The following PPARD variants were observed in gnomAD, a reference collection of about 807,000 sequenced individuals.
The protein encoded by PPARD is peroxisome proliferator-activated receptor delta.
A neutral mutation model predicts 39.5 loss-of-function variants in PPARD; 6 were observed. The observed-to-expected ratio is 0.15, with a 90% CI of 0.08 to 0.30. The LOEUF is 0.30. PPARD is among the 10% of genes least tolerant of loss of function. The pLI is 1.00. For missense variants in PPARD, 397 were observed against 596.8 expected (o/e 0.67, Z 3.49); for synonymous variants, 210 against 231.3 (o/e 0.91, Z 0.83).
chr6:35,385,982 GC>G (rs988984667), intron 2 of PPARD, among the ~76,000 whole-genome samples: 1 of 152,082 alleles, frequency 6.6e-6, no homozygotes, highest in African/African-American at 2.4e-5. Flanking sequence ...AGAGTGCAAA[GC>G]CCCCAGAGGG....
At chr6:35,399,109 C>T (rs1764524083) in intron 2 of PPARD, among the ~76,000 whole-genome samples, 1 of 148,764 alleles carries the variant, frequency 6.7e-6, no homozygotes, top group Admixed American at 6.7e-5. Flanking sequence ...AGACCCTGTC[C>T]CCCAAAAAAA....
At chr6:35,360,048 C>T (rs1005524309) in intron 2 of PPARD, among the ~76,000 whole-genome samples, 1 of 152,102 alleles carries the variant, frequency 6.6e-6, no homozygotes, top group Non-Finnish European at 1.5e-5. Context: ...TCTTGTTGGT[C>T]ACTGAGAAGA....
At chr6:35,374,320 G>A (rs1476403948) in intron 2 of PPARD, among the ~76,000 whole-genome samples, 1 of 148,252 alleles carries the variant, frequency 6.7e-6, no homozygotes, top group Non-Finnish European at 1.5e-5. Flanking sequence ...GGGCGGGGGG[G>A]TTTAGTGGGC....
Position 35,363,619 on chromosome 6 carries a change from C to T in PPARD, c.-102+16469C>T, listed in dbSNP as rs536956105. Among the ~76,000 whole-genome samples the T allele has an allele frequency of 1.4e-3, 211 of 152,114 alleles. 1 individual carries two copies. The highest frequency in any genetic ancestry group is 4.6e-3 in the African/African-American group (189 of 41,508). ...CCAGGAAAGGGTGGATCCAGTGAGG[C>T]GGGGGCCAGGCCTTGCCCAAGAGTC... On this transcript the variant is annotated intron_variant, in intron 2 of 7. Transcript: ENST00000360694. The surrounding 1 kb of genome is among the most constrained non-coding windows in gnomAD (Gnocchi z 4.5).
At chr6:35,376,258 T>C (rs146291569) in intron 2 of PPARD, among the ~76,000 whole-genome samples, 2 of 152,354 alleles carry the variant, frequency 1.3e-5, no homozygotes, top group African/African-American at 4.8e-5. Flanking sequence ...ATTGCCTCTT[T>C]GGCTTTCTCG....
At chr6:35,364,761 G>C (rs959783259) in intron 2 of PPARD, among the ~76,000 whole-genome samples, 2 of 151,212 alleles carry the variant, frequency 1.3e-5, no homozygotes, top group African/African-American at 4.9e-5. Flanking sequence ...TCTGTCTGGA[G>C]TGCAGTGGCG....
chr6:35,374,303 G>A (rs1305528990), intron 2 of PPARD, among the ~76,000 whole-genome samples: 2 of 140,066 alleles, frequency 1.4e-5, no homozygotes, highest in Admixed American at 6.7e-5. Flanking sequence ...GTTAGTTCTC[G>A]GCGGTGGGGC....
At chr6:35,407,356 C>T (rs946591271) in intron 2 of PPARD, among the ~76,000 whole-genome samples, 2 of 151,704 alleles carry the variant, frequency 1.3e-5, no homozygotes, top group Admixed American at 6.6e-5. Flanking sequence ...TGGGCTCTGC[C>T]GCCACTGCGC....
At position 35,374,312 on chromosome 6, in the gene PPARD, GC is replaced by G. The variant is rs1161961619; in HGVS notation, c.-102+27163del. ...GTCATGGTTAGTTCTCGGCGGTGGG[GC>G]GGGGGGGTTTAGTGGGCAATTGCTT... On this transcript the variant is annotated intron_variant, in intron 2 of 7. Coordinates refer to ENST00000360694, the MANE Select transcript of PPARD (RefSeq NM_006238.5). Among the ~76,000 whole-genome samples the G allele has an allele frequency of 9.0e-5, 12 of 133,020 alleles. 1 individual carries two copies. The highest frequency in any genetic ancestry group is 4.3e-4 in the African/African-American group (12 of 27,718). 87.3% of individuals were successfully genotyped at this position (133,020 alleles called of 152,430 possible).
At position 35,352,790 on chromosome 6, in the gene PPARD, C is replaced by A. The variant is rs1314816446; in HGVS notation, c.-102+5640C>A. On this transcript the variant is annotated intron_variant, in intron 2 of 7. Coordinates refer to ENST00000360694, the MANE Select transcript of PPARD (RefSeq NM_006238.5). Reference sequence around the variant, plus strand: ...ACCTCTCTATGTGCCTTGGGCTTCTCATAGCATGAGAGCTGGGTTCTGAGC... The same window carrying A: ...ACCTCTCTATGTGCCTTGGGCTTCTAATAGCATGAGAGCTGGGTTCTGAGC... 2.6e-5 allele frequency among the ~76,000 whole-genome samples: 4 copies of A among 152,186 alleles called. No homozygotes were observed. In the East Asian group the frequency reaches 7.7e-4, roughly 29 times the overall value.
At chr6:35,392,571 C>CG (rs1399842188) in intron 2 of PPARD, among the ~76,000 whole-genome samples, 2 of 151,988 alleles carry the variant, frequency 1.3e-5, no homozygotes, top group African/African-American at 4.8e-5. Flanking sequence ...CTGGGTTCCT[C>CG]GGGGGAGAGA....
At chr6:35,384,916 TGAG>T (rs1295075307) in intron 2 of PPARD, among the ~76,000 whole-genome samples, 9 of 124,056 alleles carry the variant, frequency 7.3e-5, no homozygotes, top group Non-Finnish European at 1.2e-4. Flanking sequence ...TACTGGGAAG[TGAG>T]GAGCCCCTCT....
chr6:35,396,629 G>GA (rs1178815039), intron 2 of PPARD, among the ~76,000 whole-genome samples: 32 of 150,534 alleles, frequency 2.1e-4, no homozygotes, highest in Admixed American at 2.0e-3. Flanking sequence ...AGGAGACAGA[G>GA]ACCATCCTGG....
intron 2 of PPARD, among the ~76,000 whole-genome samples, chr6:35,378,810 A>T (rs73746404): frequency 0.048 from 7,264 of 152,168 alleles, 347 homozygotes; most frequent in African/African-American, 0.12. Flanking sequence ...TTAACAACTA[A>T]AAAGGGCAGA....
At chr6:35,371,231 G>C (rs1314809201) in intron 2 of PPARD, among the ~76,000 whole-genome samples, 1 of 152,036 alleles carries the variant, frequency 6.6e-6, no homozygotes, top group African/African-American at 2.4e-5. Context: ...CTGCCCCCTA[G>C]GAGGGTAAAT....
In PPARD at chr6:35,423,971, G is replaced by A; in HGVS notation, c.450G>A (p.Glu150=). 2.5e-6 allele frequency: 4 copies of A among 1,614,190 alleles called. No homozygotes were observed. Among genetic ancestry groups the A allele is most frequent in the Middle Eastern group, 1.7e-4 (1 of 6,048 alleles). Residue 150 remains glutamate (E), a synonymous_variant, in exon 6 of 8, where the codon GAG becomes GAA. Transcript: ENST00000360694. Reference sequence around the variant, plus strand: ...CTATCCGTTTTGGTCGGATGCCGGAGGCTGAGAAGAGGAAGCTGGTGGCAG... The same window carrying A: ...CTATCCGTTTTGGTCGGATGCCGGAAGCTGAGAAGAGGAAGCTGGTGGCAG... ...HNAIRFGRMP[E]AEKRKLVAGL... is the part of the protein sequence containing the mutation.
intron 2 of PPARD, among the ~76,000 whole-genome samples, chr6:35,383,643 C>T (rs1331226816): frequency 7.3e-6 from 1 of 136,146 alleles, no homozygotes; most frequent in Non-Finnish European, 1.5e-5. Context: ...TGCCCGGCCG[C>T]CCATCGTCTG....
intron 2 of PPARD, among the ~76,000 whole-genome samples, chr6:35,394,782 C>G (rs375810382): frequency 1.4e-5 from 2 of 146,524 alleles, no homozygotes; most frequent in East Asian, 3.9e-4. Flanking sequence ...CCGCCCCCCC[C>G]ACCAAAAAAA....
rs1045526318 is a variant in PPARD, at chr6:35,366,219, C to T, written c.-102+19069C>T. 9.2e-5 allele frequency among the ~76,000 whole-genome samples: 14 copies of T among 151,670 alleles called. No individual in the cohort carries two copies. The highest frequency in any genetic ancestry group is 8.5e-4 in the Admixed American group (13 of 15,252). ...AGAGATTTACACAAATATGTGAATA[C>T]CAGAAGGTGAGGATTGTTGCCAGCC... On this transcript the variant is annotated intron_variant, in intron 2 of 7. Transcript: ENST00000360694. This position sits in a 1 kb window ranked among gnomAD's most constrained non-coding sequence, Gnocchi z 4.6.
Sources: gnomAD v4.1 joint callset for allele counts (sites outside exome capture counted in the v4.1 genomes callset) on GRCh38, gnomAD v4.1.1 for gene constraint, Gnocchi (gnomAD v3.1) non-coding constraint, MANE v1.5 for transcripts, NCBI Gene and HGNC (gene_info 2026-07-23, HGNC 2026-07-21) for gene names.